Variants in FEM1C observed in about 807,000 individuals in gnomAD.
FEM1C encodes protein fem-1 homolog C.
FEM1C carries 15 observed loss-of-function variants against 37.6 expected under a neutral mutation model. The observed-to-expected ratio is 0.40, with a 90% CI of 0.27 to 0.61. The LOEUF is 0.61. Ranked by LOEUF, FEM1C falls within the 20% of genes least tolerant of loss-of-function variation. The probability of loss-of-function intolerance (pLI) is 0.42; values close to 1 mark genes in which losing one functional copy is unlikely to be tolerated. For synonymous variants in FEM1C, 287 were observed against 272.8 expected (o/e 1.05, Z -0.51); for missense variants, 532 against 749.7 (o/e 0.71, Z 3.39).
intron 2 of FEM1C, among the ~76,000 whole-genome samples, chr5:115,540,262 A>C (rs1376081349): frequency 6.6e-6 from 1 of 152,104 alleles, no homozygotes; most frequent in South Asian, 2.1e-4. Flanking sequence ...TCAGGATCAG[A>C]GTGGAGGAGG....
rs1753818800 is a variant in FEM1C at position 115,523,612 on chromosome 5, T to C, written c.*696A>G. 1 of 152,492 alleles carries C rather than the reference T, an allele frequency of 6.6e-6. No individual in the cohort carries two copies. Among genetic ancestry groups the C allele is most frequent in the African/African-American group, 2.4e-5 (1 of 41,454 alleles). The allele number at this position is 152,492 out of a possible 1,614,324, so 9.4% of individuals were successfully genotyped here. A position where few individuals can be genotyped will look rare whatever the true frequency, so the allele number is the denominator to read the frequency against. On this transcript the variant is annotated 3_prime_UTR_variant, in exon 3 of 3. Coordinates refer to ENST00000274457, the MANE Select transcript of FEM1C (RefSeq NM_020177.3). ...GAAGAAAAAAACAAACAAAAAAGCT[T>C]GAGCTATAATAGCTAACCTGCAGCT...
At position 115,523,940 on chromosome 5, in the gene FEM1C, A is replaced by G. The variant is rs2127168269; in HGVS notation, c.*368T>C. 1 of 182,838 alleles carries G rather than the reference A, an allele frequency of 5.5e-6. No homozygotes were observed. Among genetic ancestry groups the G allele is most frequent in the East Asian group, 1.7e-4 (1 of 5,858 alleles). 11.3% of individuals were successfully genotyped at this position (182,838 alleles called of 1,614,324 possible). ...CTTGAGAAGAGAAGAAAGAAGCAAGAAAAAAAGACTTTCAATTGTATAAAA... is the reference window on the plus strand; with the variant it reads ...CTTGAGAAGAGAAGAAAGAAGCAAGGAAAAAAGACTTTCAATTGTATAAAA... On this transcript the variant is annotated 3_prime_UTR_variant, in exon 3 of 3. Coordinates refer to ENST00000274457, the MANE Select transcript of FEM1C (RefSeq NM_020177.3).
In FEM1C at chr5:115,524,999, T is replaced by C; in HGVS notation, c.1163A>G (p.Glu388Gly). ...ATCCTGTAGCATAAAGGAGAATAGT[T>C]CTGCAAAAGATAATAAGCTGCTGGC... ...MTASSLLSFA[E>G]LFSFMLQDRA... Residue 388 changes from glutamate to glycine, a missense_variant, in exon 3 of 3, where the codon GAA becomes GGA. By Grantham distance (98) the Glu-to-Gly change is moderately conservative. This residue lies in a region of FEM1C where 221 missense variants were observed against 404.1 expected (regional missense o/e 0.55). Transcript: ENST00000274457. The C allele has an allele frequency of 6.2e-7, 1 of 1,613,702 alleles. No individual in the cohort carries two copies. The highest frequency in any genetic ancestry group is 1.1e-5 in the South Asian group (1 of 91,062).
intron 2 of FEM1C, among the ~76,000 whole-genome samples, chr5:115,531,108 G>C (rs1022680471): frequency 1.3e-5 from 2 of 152,054 alleles, no homozygotes; most frequent in Admixed American, 6.6e-5. Flanking sequence ...AGAGAATTTA[G>C]TGGGAAAACA....
intron 2 of FEM1C, among the ~76,000 whole-genome samples, chr5:115,536,654 CTATCAT>C (rs1333627959): frequency 6.6e-6 from 1 of 151,630 alleles, no homozygotes; most frequent in African/African-American, 2.4e-5. Context: ...CATGTGTAGT[CTATCAT>C]GAGAGATACT....
chr5:115,525,845 T>A (rs1456079630), intron 2 of FEM1C, among the ~76,000 whole-genome samples: 1 of 152,064 alleles, frequency 6.6e-6, no homozygotes, highest in South Asian at 2.1e-4. Context: ...TAAAAAGACA[T>A]CCAAAGTCAC....
At chr5:115,532,193 T>C (rs1754029032) in intron 2 of FEM1C, among the ~76,000 whole-genome samples, 1 of 152,122 alleles carries the variant, frequency 6.6e-6, no homozygotes, top group South Asian at 2.1e-4. Context: ...ACTATTATAA[T>C]ACCTTACACT....
At chr5:115,533,705 C>T (rs1169556576) in intron 2 of FEM1C, among the ~76,000 whole-genome samples, 1 of 151,762 alleles carries the variant, frequency 6.6e-6, no homozygotes, top group Admixed American at 6.6e-5. Flanking sequence ...GTCTTCTTTT[C>T]GCATTCTCAG....
intron 2 of FEM1C, among the ~76,000 whole-genome samples, chr5:115,537,078 C>A (rs980421002): frequency 6.6e-6 from 1 of 151,942 alleles, no homozygotes; most frequent in East Asian, 1.9e-4. Context: ...CACAGCTCTT[C>A]CCAAAGGGAG....
intron 2 of FEM1C, among the ~76,000 whole-genome samples, chr5:115,530,128 A>G (rs372192640): frequency 2.6e-5 from 4 of 151,996 alleles, no homozygotes; most frequent in African/African-American, 9.7e-5. Flanking sequence ...TACAAAGAAA[A>G]CTCAAGACAC....
intron 2 of FEM1C, among the ~76,000 whole-genome samples, chr5:115,534,045 G>A (rs751347260): frequency 1.4e-4 from 21 of 152,022 alleles, no homozygotes; most frequent in Non-Finnish European, 2.5e-4. Context: ...TTCTGTTAAA[G>A]CATTTCTCTA....
intron 2 of FEM1C, among the ~76,000 whole-genome samples, chr5:115,527,559 G>T (rs1233346441): frequency 1.3e-5 from 2 of 152,050 alleles, no homozygotes; most frequent in African/African-American, 4.8e-5. Flanking sequence ...ACTACACCAA[G>T]TATATTTTAA....
Position 115,525,000 on chromosome 5 carries a change from C to T in FEM1C, c.1162G>A (p.Glu388Lys), listed in dbSNP as rs1753858942. 6.2e-7 allele frequency: 1 copy of T among 1,613,590 alleles called. No individual in the cohort carries two copies. The highest frequency in any genetic ancestry group is 8.5e-7 in the Non-Finnish European group (1 of 1,179,834). The stretch of plus-strand genomic sequence containing the variant: ...TCCTGTAGCATAAAGGAGAATAGTT[C>T]TGCAAAAGATAATAAGCTGCTGGCG... ...MTASSLLSFA[E>K]LFSFMLQDRA... The change falls in exon 3 of 3, where the codon GAA becomes AAA. Residue 388 changes from glutamate (E) to lysine (K), a missense_variant. By Grantham distance (56) the Glu-to-Lys change is moderately conservative. Transcript: ENST00000274457.
chr5:115,524,677 T>C lies in FEM1C; in HGVS notation c.1485A>G (p.Thr495=). The C allele has an allele frequency of 6.5e-7, 1 of 1,549,864 alleles. No homozygotes were observed. The highest frequency in any genetic ancestry group is 8.7e-7 in the Non-Finnish European group (1 of 1,152,742). The change falls in exon 3 of 3, where the codon ACA becomes ACG. Residue 495 remains threonine (T), a synonymous_variant. Transcript: ENST00000274457. ...PLHLAVDKNT[T]CVGRYPVCKF... ...TACAAACAGGGTACCGCCCTACACA[T>C]GTAGTATTCTTGTCCACAGCCAGAT... is the stretch of plus-strand genomic sequence containing the variant.
At chr5:115,540,598 G>A (rs544491783) in intron 2 of FEM1C, among the ~76,000 whole-genome samples, 1 of 152,116 alleles carries the variant, frequency 6.6e-6, no homozygotes, top group African/African-American at 2.4e-5. Context: ...ACATTGTTTT[G>A]AAAGAGCTCA....
intron 2 of FEM1C, among the ~76,000 whole-genome samples, chr5:115,540,180 T>C (rs1754210189): frequency 1.3e-5 from 2 of 152,122 alleles, no homozygotes; most frequent in African/African-American, 4.8e-5. Context: ...TAGTTTCAAT[T>C]GGTTCCTGCT....
At chr5:115,544,496 C>G (rs1488682461) in intron 1 of FEM1C, 27 bp downstream of exon 1, 1 of 153,850 alleles carries the variant, frequency 6.5e-6, no homozygotes, top group African/African-American at 2.4e-5. Context: ...GGCCCGAGCC[C>G]TGGCAGGCCG....
At chr5:115,538,451 C>G (rs1754172447) in intron 2 of FEM1C, among the ~76,000 whole-genome samples, 1 of 152,024 alleles carries the variant, frequency 6.6e-6, no homozygotes, top group Non-Finnish European at 1.5e-5. Flanking sequence ...TCTTTCCTCT[C>G]TTAAATCCAA....
chr5:115,526,129 G>A (rs1436948089), intron 2 of FEM1C, among the ~76,000 whole-genome samples: 1 of 151,926 alleles, frequency 6.6e-6, no homozygotes, highest in East Asian at 1.9e-4. Context: ...CCAAAGTGCT[G>A]GGATTGCAGG....
Sources: allele counts gnomAD v4.1 joint callset (sites outside exome capture counted in the v4.1 genomes callset), GRCh38; gene constraint gnomAD v4.1.1; regional missense constraint gnomAD v4.1.1; transcripts MANE v1.5; gene names NCBI Gene and HGNC (gene_info 2026-07-23, HGNC 2026-07-21).